Variants in PRKAG2 observed in about 807,000 individuals in gnomAD.
PRKAG2 encodes the protein 5'-AMP-activated protein kinase subunit gamma-2.
A neutral mutation model predicts 69.6 loss-of-function variants in PRKAG2; 26 were observed. The ratio of observed to expected loss-of-function variants is 0.37; its 90% CI spans 0.27 to 0.52. The LOEUF (loss-of-function observed/expected upper bound fraction) is 0.52. Ranked by LOEUF, PRKAG2 falls within the 20% of genes least tolerant of loss-of-function variation. The probability of loss-of-function intolerance (pLI) is 0.90; values close to 1 mark genes in which losing one functional copy is unlikely to be tolerated. For missense variants in PRKAG2, 557 were observed against 740.0 expected, an observed-to-expected ratio of 0.75 and a Z score of 2.87; for synonymous variants, 293 against 285.0, an observed-to-expected ratio of 1.03 and a Z score of -0.28.
At chr7:151,597,986 G>A (rs1815051704) in intron 5 of PRKAG2, among the ~76,000 whole-genome samples, 1 of 152,172 alleles carries the variant, frequency 6.6e-6, no homozygotes, top group Non-Finnish European at 1.5e-5. Flanking sequence ...TGAAATCAGA[G>A]TGTTCATGAC....
chr7:151,566,139 C>G (rs1806208279), intron 11 of PRKAG2, among the ~76,000 whole-genome samples: 1 of 152,184 alleles, frequency 6.6e-6, no homozygotes. Context: ...CTTTTTCCAT[C>G]TCCTCTTCAC....
chr7:151,767,885 G>C (rs1204468315), intron 3 of PRKAG2, among the ~76,000 whole-genome samples: 1 of 152,202 alleles, frequency 6.6e-6, no homozygotes, highest in Non-Finnish European at 1.5e-5. Context: ...GTTAAGTGCT[G>C]CTGCCCAGAG....
intron 6 of PRKAG2, among the ~76,000 whole-genome samples, chr7:151,580,631 G>A (rs1006675658): frequency 6.6e-6 from 1 of 152,126 alleles, no homozygotes; most frequent in African/African-American, 2.4e-5. Flanking sequence ...ATGGAAAGTA[G>A]TAAGTCAAAG....
At chr7:151,852,908 T>C (rs1005618277) in intron 1 of PRKAG2, among the ~76,000 whole-genome samples, 6 of 152,178 alleles carry the variant, frequency 3.9e-5, no homozygotes, top group Non-Finnish European at 7.3e-5. Flanking sequence ...ATACCTGCTC[T>C]TTCATATGTG....
At chr7:151,776,581 A>G (rs7809018) in intron 3 of PRKAG2, among the ~76,000 whole-genome samples, 37,343 of 152,170 alleles carry the variant, frequency 0.25, 5,398 homozygotes, top group Admixed American at 0.36. Flanking sequence ...GGCCCCGGGT[A>G]CACACGGGCC....
chr7:151,647,669 T>C (rs1438346620), intron 4 of PRKAG2, among the ~76,000 whole-genome samples: 5 of 152,144 alleles, frequency 3.3e-5, no homozygotes, highest in East Asian at 1.9e-4. Context: ...AGAACATTCT[T>C]GTAGAGAAGT....
chr7:151,735,977 C>T (rs551272320), intron 3 of PRKAG2: 3 of 1,536,350 alleles, frequency 2.0e-6, no homozygotes, highest in East Asian at 2.4e-5. Flanking sequence ...GCTCCTGAGG[C>T]TCCCAAAGCG....
At chr7:151,748,274 C>A (rs921566870) in intron 3 of PRKAG2, among the ~76,000 whole-genome samples, 6 of 152,064 alleles carry the variant, frequency 3.9e-5, no homozygotes, top group Non-Finnish European at 7.4e-5. Context: ...TATAAGTAAA[C>A]AATAGATAGT....
At chr7:151,834,824 G>T (rs1183679913) in intron 1 of PRKAG2, among the ~76,000 whole-genome samples, 1 of 152,226 alleles carries the variant, frequency 6.6e-6, no homozygotes, top group Admixed American at 6.5e-5. Flanking sequence ...TCCCAGTTCC[G>T]GAGCCCGGAA....
At position 151,625,446 on chromosome 7, in the gene PRKAG2, C is replaced by A. The variant is rs558490091; in HGVS notation, c.754+6623G>T. On this transcript the variant is annotated intron_variant, in intron 5 of 15. Transcript: ENST00000287878. ...GGCAAGGAGGGCGTGCCGGGAAGTG[C>A]GGACTCCTACAGGCAAAGGAAAAGT... Among the ~76,000 whole-genome samples the A allele has an allele frequency of 7.9e-5, 12 of 152,214 alleles. No individual in the cohort carries two copies. The South Asian group carries it at 2.5e-3, about 32-fold the overall frequency.
At chr7:151,762,099 A>G (rs1289478711) in intron 3 of PRKAG2, among the ~76,000 whole-genome samples, 1 of 152,202 alleles carries the variant, frequency 6.6e-6, no homozygotes, top group Admixed American at 6.5e-5. Context: ...CCACTGTCCG[A>G]TGGGTTAGCA....
intron 3 of PRKAG2, among the ~76,000 whole-genome samples, chr7:151,752,337 T>C (rs568735299): frequency 9.2e-5 from 14 of 151,784 alleles, no homozygotes. Flanking sequence ...CACTTATGAG[T>C]GGGGGCTAAA....
At chr7:151,587,362 C>G (rs977740652) in intron 6 of PRKAG2, among the ~76,000 whole-genome samples, 2 of 152,118 alleles carry the variant, frequency 1.3e-5, no homozygotes, top group African/African-American at 4.8e-5. Context: ...AGAAAAATCC[C>G]AACTAACTCA....
At chr7:151,628,149 C>T (rs1178718699) in intron 5 of PRKAG2, among the ~76,000 whole-genome samples, 2 of 152,160 alleles carry the variant, frequency 1.3e-5, no homozygotes, top group African/African-American at 4.8e-5. Flanking sequence ...CCAGCTCCTC[C>T]GGCAGCTGGG....
At chr7:151,619,290 G>A (rs868156594) in intron 5 of PRKAG2, among the ~76,000 whole-genome samples, 2 of 152,226 alleles carry the variant, frequency 1.3e-5, no homozygotes, top group Admixed American at 6.5e-5. Context: ...TCACAGGGAT[G>A]AAGCAGCAAG....
At chr7:151,791,167 A>G (rs1482011716) in intron 1 of PRKAG2, among the ~76,000 whole-genome samples, 4 of 152,172 alleles carry the variant, frequency 2.6e-5, no homozygotes, top group Admixed American at 2.0e-4. Flanking sequence ...CCCACCTCCC[A>G]GCAAGTCCCA....
rs1239401539 is a variant in PRKAG2, at chr7:151,835,914, G to C, written c.114+40593C>G. On this transcript the variant is annotated intron_variant, in intron 1 of 15. Transcript: ENST00000287878. This position sits in a 1 kb window ranked among gnomAD's most constrained non-coding sequence, Gnocchi z 4.1. Reference sequence around the variant, plus strand: ...TATTCAAGAGTGGGGTGCAGCTCAGGGAGGCATCGGAGATGGGGACTGTGA... The same window carrying C: ...TATTCAAGAGTGGGGTGCAGCTCAGCGAGGCATCGGAGATGGGGACTGTGA... 6.6e-6 allele frequency among the ~76,000 whole-genome samples: 1 copy of C among 152,202 alleles called. No homozygotes were observed. The highest frequency in any genetic ancestry group is 2.4e-5 in the African/African-American group (1 of 41,444).
intron 6 of PRKAG2, among the ~76,000 whole-genome samples, chr7:151,584,760 G>A (rs1160554388): frequency 2.6e-5 from 4 of 152,178 alleles, no homozygotes; most frequent in Non-Finnish European, 5.9e-5. Context: ...AACTGAATGT[G>A]GTGGTGCACG....
At chr7:151,797,280 C>G (rs985406702) in intron 1 of PRKAG2, among the ~76,000 whole-genome samples, 1 of 149,658 alleles carries the variant, frequency 6.7e-6, no homozygotes, top group Admixed American at 6.7e-5. Context: ...ACACACCCAG[C>G]GGTTTTGGTT....
Sources: gnomAD v4.1 joint callset for allele counts (sites outside exome capture counted in the v4.1 genomes callset) on GRCh38, gnomAD v4.1.1 for gene constraint, Gnocchi (gnomAD v3.1) non-coding constraint, MANE v1.5 for transcripts, NCBI Gene and HGNC (gene_info 2026-07-23, HGNC 2026-07-21) for gene names.